The following WWOX variants were observed in gnomAD, a reference collection of about 807,000 sequenced individuals.
The protein encoded by WWOX is WW domain containing oxidoreductase.
In WWOX, 69 loss-of-function variants were observed where a neutral mutation model predicts 46.2. The ratio of observed to expected loss-of-function variants is 1.49; its 90% confidence interval spans 1.23 to 1.82. WWOX has a LOEUF of 1.82. Among genes scored for constraint, WWOX ranks in the 40% most tolerant of loss-of-function variants. WWOX has a pLI of 0.00. For missense variants in WWOX, 919 were observed against 542.6 expected (o/e 1.69, Z -6.89); for synonymous variants, 359 against 202.6 (o/e 1.77, Z -6.56).
chr16:78,912,769 G>C (rs925783183), intron 8 of WWOX, among the ~76,000 whole-genome samples: 2 of 151,942 alleles, frequency 1.3e-5, no homozygotes, highest in African/African-American at 2.4e-5. Context: ...CCAACTTCTA[G>C]TCAAGTTATG....
intron 8 of WWOX, among the ~76,000 whole-genome samples, chr16:78,734,009 A>C (rs2049026397): frequency 6.6e-6 from 1 of 151,080 alleles, no homozygotes; most frequent in African/African-American, 2.4e-5. Flanking sequence ...CCAGTGAGTC[A>C]TGATCATGCC....
chr16:78,193,040 G>T (rs987917627), intron 5 of WWOX, among the ~76,000 whole-genome samples: 2 of 152,218 alleles, frequency 1.3e-5, no homozygotes, highest in Non-Finnish European at 2.9e-5. Context: ...CCTGGGCTCA[G>T]CTTCTCACAG....
chr16:78,538,740 C>G (rs1001985739), intron 8 of WWOX, among the ~76,000 whole-genome samples: 3 of 152,154 alleles, frequency 2.0e-5, no homozygotes, highest in Non-Finnish European at 4.4e-5. Context: ...ATACCAGCAT[C>G]TGATTTTAAA....
chr16:78,877,785 C>G (rs2044264045), intron 8 of WWOX, among the ~76,000 whole-genome samples: 1 of 152,166 alleles, frequency 6.6e-6, no homozygotes, highest in South Asian at 2.1e-4. Flanking sequence ...AGGAATGAAT[C>G]TAGAAATATC....
chr16:78,683,089 A>G (rs1313792125), intron 8 of WWOX, among the ~76,000 whole-genome samples: 1 of 152,158 alleles, frequency 6.6e-6, no homozygotes, highest in African/African-American at 2.4e-5. Flanking sequence ...ACTCCAGATG[A>G]CTTGTTTTGT....
intron 8 of WWOX, among the ~76,000 whole-genome samples, chr16:78,511,159 G>T (rs1437783468): frequency 6.6e-6 from 1 of 152,142 alleles, no homozygotes; most frequent in East Asian, 1.9e-4. Context: ...GCAACCGCCT[G>T]TACAAAAATC....
chr16:79,067,336 C>T (rs1449530090), intron 8 of WWOX, among the ~76,000 whole-genome samples: 3 of 152,190 alleles, frequency 2.0e-5, no homozygotes, highest in Non-Finnish European at 4.4e-5. Context: ...CCTCCCTTGA[C>T]ATCAAAATGG....
In WWOX at chr16:79,033,625, A is replaced by G. The variant is rs112058827; in HGVS notation, c.1057-177983A>G. On this transcript the variant is annotated intron_variant, in intron 8 of 8. Coordinates refer to ENST00000566780, the MANE Select transcript of WWOX (RefSeq NM_016373.4). Reference sequence around the variant, plus strand: ...GTTGAGTGGCTTTAAGGGCATTCATATTGTTGTGCTAACATCATGACCATC... The same window carrying G: ...GTTGAGTGGCTTTAAGGGCATTCATGTTGTTGTGCTAACATCATGACCATC... Among the ~76,000 whole-genome samples the G allele has an allele frequency of 4.9e-4, 74 of 152,216 alleles. 1 individual carries two copies. Among genetic ancestry groups the G allele is most frequent in the African/African-American group, 1.7e-3 (72 of 41,520 alleles).
At chr16:78,644,547 C>T (rs1264236032) in intron 8 of WWOX, among the ~76,000 whole-genome samples, 5 of 152,112 alleles carry the variant, frequency 3.3e-5, no homozygotes, top group Admixed American at 2.0e-4. Context: ...CTGCAACCTC[C>T]GCCTACCAGG....
chr16:79,064,790 G>C (rs114619464), intron 8 of WWOX, among the ~76,000 whole-genome samples: 3,043 of 152,344 alleles, frequency 0.02, 91 homozygotes, highest in African/African-American at 0.068. Flanking sequence ...CACTGGGTGT[G>C]AGGAAGGATG....
At chr16:79,203,936 C>G (rs1451412090) in intron 8 of WWOX, 1 of 152,178 alleles carries the variant, frequency 6.6e-6, no homozygotes, top group Non-Finnish European at 1.5e-5. Flanking sequence ...TAAACACACA[C>G]TAAATATCTT....
At chr16:78,392,101 C>T (rs561114088) in intron 6 of WWOX, among the ~76,000 whole-genome samples, 12 of 151,730 alleles carry the variant, frequency 7.9e-5, no homozygotes, top group South Asian at 2.1e-4. Context: ...AAACCAATAG[C>T]GGAGCCGTGG....
intron 8 of WWOX, among the ~76,000 whole-genome samples, chr16:79,127,514 T>G (rs1014538747): frequency 6.6e-6 from 1 of 152,210 alleles, no homozygotes; most frequent in Non-Finnish European, 1.5e-5. Context: ...AATTCCCTAT[T>G]GATAGACATT....
chr16:78,424,587 T>A (rs8064007), intron 6 of WWOX, among the ~76,000 whole-genome samples: 1 of 151,978 alleles, frequency 6.6e-6, no homozygotes, highest in Non-Finnish European at 1.5e-5. Context: ...GATTGCCTGC[T>A]GCTGTCCTGG....
chr16:78,712,005 A>C (rs1320074786), intron 8 of WWOX, among the ~76,000 whole-genome samples: 1 of 152,170 alleles, frequency 6.6e-6, no homozygotes, highest in Non-Finnish European at 1.5e-5. Context: ...TTCGGCAAAG[A>C]AGCCCCAACG....
At chr16:78,822,922 A>T (rs1165666014) in intron 8 of WWOX, among the ~76,000 whole-genome samples, 1 of 152,188 alleles carries the variant, frequency 6.6e-6, no homozygotes, top group Middle Eastern at 3.2e-3. Context: ...TAAAGCCAAA[A>T]AACTAAAAGA....
In WWOX at chr16:79,042,187, G is replaced by A. The variant is rs75119336; in HGVS notation, c.1057-169421G>A. Reference sequence around the variant, plus strand: ...GCTCAGATGCACACAGTGATTGAGTGCCCTAGCTGGGGTTGGAAACTCTGT... The same window carrying A: ...GCTCAGATGCACACAGTGATTGAGTACCCTAGCTGGGGTTGGAAACTCTGT... On this transcript the variant is annotated intron_variant, in intron 8 of 8. Transcript: ENST00000566780. Among the ~76,000 whole-genome samples the A allele has an allele frequency of 8.3e-3, 1,263 of 152,224 alleles. 14 individuals are homozygous for A. Among genetic ancestry groups the A allele is most frequent in the African/African-American group, 0.028 (1,179 of 41,530 alleles).
At chr16:78,407,204 C>T (rs2082569053) in intron 6 of WWOX, among the ~76,000 whole-genome samples, 1 of 152,096 alleles carries the variant, frequency 6.6e-6, no homozygotes, top group South Asian at 2.1e-4. Flanking sequence ...AGTTGAACAC[C>T]AGCAAAGACT....
intron 8 of WWOX, among the ~76,000 whole-genome samples, chr16:78,840,299 G>A (rs754130062): frequency 9.9e-5 from 15 of 152,048 alleles, no homozygotes; most frequent in African/African-American, 2.7e-4. Flanking sequence ...TTTCTTTCAC[G>A]TCTTGTTCTA....
Sources: gnomAD v4.1 joint callset for allele counts (sites outside exome capture counted in the v4.1 genomes callset) on GRCh38, gnomAD v4.1.1 for gene constraint, MANE v1.5 for transcripts, NCBI Gene and HGNC (gene_info 2026-07-23, HGNC 2026-07-21) for gene names.